Variants in PUS10 observed in about 807,000 individuals in gnomAD.
The protein encoded by PUS10 is tRNA pseudouridine synthase Pus10.
In PUS10, 59 loss-of-function variants were observed where a neutral mutation model predicts 75.0. The ratio of observed to expected loss-of-function variants is 0.79; its 90% CI spans 0.64 to 0.98. The LOEUF (loss-of-function observed/expected upper bound fraction) is 0.98. PUS10 is among the 50% of genes least tolerant of loss of function. The pLI, the probability that PUS10 is intolerant of heterozygous loss-of-function variation, is 0.00. For synonymous variants in PUS10, 219 were observed against 211.6 expected (o/e 1.03, Z -0.30); for missense variants, 650 against 614.4 (o/e 1.06, Z -0.61).
intron 1 of PUS10, among the ~76,000 whole-genome samples, chr2:61,016,732 A>G (rs1237436340): frequency 6.6e-6 from 1 of 152,208 alleles, no homozygotes; most frequent in Non-Finnish European, 1.5e-5. Flanking sequence ...GGACGATTAC[A>G]AAAACCAGTC....
rs749889584 is a variant in PUS10, at chr2:60,945,104, T to C, written c.1456A>G (p.Ile486Val). 6 of 1,611,458 alleles carry C rather than the reference T, an allele frequency of 3.7e-6. No homozygotes were observed. Among genetic ancestry groups the C allele is most frequent in the Admixed American group, 3.3e-5 (2 of 60,002 alleles). Residue 486 changes from isoleucine to valine, a missense_variant, in exon 17 of 18, where the codon ATT becomes GTT. By Grantham distance (29) the Ile-to-Val change is conservative. Transcript: ENST00000316752. ...AAGTCTCCATGTACAAACTCTTTAATGTAGCTGGGGTTTGTTTAAGGAAAA... is the reference window on the plus strand; with the variant it reads ...AAGTCTCCATGTACAAACTCTTTAACGTAGCTGGGGTTTGTTTAAGGAAAA... ...LHLKTQAGTYIKEFVHGDFGR... is the reference protein window; with the variant it reads ...LHLKTQAGTYVKEFVHGDFGR...
At chr2:60,979,218 AC>A (rs1677233100) in intron 4 of PUS10, among the ~76,000 whole-genome samples, 1 of 152,190 alleles carries the variant, frequency 6.6e-6, no homozygotes, top group East Asian at 1.9e-4. Flanking sequence ...CCATTTGGAA[AC>A]TGGGCTCAAT....
At chr2:61,016,719 C>T (rs181523734) in intron 1 of PUS10, among the ~76,000 whole-genome samples, 16 of 152,264 alleles carry the variant, frequency 1.1e-4, no homozygotes, top group Non-Finnish European at 8.8e-5. Context: ...ATTTTCACCT[C>T]TTGGACGATT....
At chr2:61,003,631 A>G (rs1302233114) in intron 4 of PUS10, among the ~76,000 whole-genome samples, 2 of 149,324 alleles carry the variant, frequency 1.3e-5, no homozygotes, top group Non-Finnish European at 3.0e-5. Flanking sequence ...TGCAGCTTCA[A>G]CCCCCCAGGT....
chr2:60,954,221 G>T, intron 12 of PUS10, 63 bp from the exon 13 acceptor site: 1 of 1,523,766 alleles, frequency 6.6e-7, no homozygotes, highest in Non-Finnish European at 9.1e-7. Context: ...TTGGGCTAAT[G>T]CAAGAGGGTT....
intron 11 of PUS10, among the ~76,000 whole-genome samples, chr2:60,956,848 G>A (rs1444451456): frequency 1.3e-5 from 2 of 151,472 alleles, no homozygotes; most frequent in Admixed American, 6.6e-5. Context: ...GGTGGCGTGT[G>A]CCTGTAGTCC....
In PUS10 at chr2:60,953,959, T is replaced by C. The variant is rs1379799967; in HGVS notation, c.1164A>G (p.Gln388=). ...QKINNSSNKI[Q]VRDLQLVTRE... is the part of the protein sequence containing the mutation. ...TTGTGACAAGCTGCAAGTCACGTAC[T>C]TGGATTTTGTTAGATGAGTTATTAA... Residue 388 remains glutamine, a synonymous_variant, in exon 14 of 18, where the codon CAA becomes CAG. Transcript: ENST00000316752. The C allele has an allele frequency of 6.2e-7, 1 of 1,613,960 alleles. No homozygotes were observed. The highest frequency in any genetic ancestry group is 1.3e-5 in the African/African-American group (1 of 74,926).
intron 15 of PUS10, among the ~76,000 whole-genome samples, chr2:60,949,712 T>G (rs1205171999): frequency 1.3e-5 from 2 of 152,246 alleles, no homozygotes; most frequent in Admixed American, 1.3e-4. Flanking sequence ...ATCAACTAGT[T>G]GCATCAGTCT....
chr2:60,997,924 A>C (rs543138242), intron 4 of PUS10, among the ~76,000 whole-genome samples: 14 of 152,342 alleles, frequency 9.2e-5, no homozygotes, highest in African/African-American at 3.1e-4. Context: ...GAACACACAC[A>C]GATTTAGGAA....
chr2:60,945,140 G>C (rs779235051), intron 16 of PUS10, 32 bp from the exon 17 acceptor site: 4 of 1,365,016 alleles, frequency 2.9e-6, no homozygotes, highest in Admixed American at 3.4e-5. Flanking sequence ...AATGAAGACA[G>C]CATGCTGTAC....
chr2:60,982,382 C>A (rs1319036367), intron 4 of PUS10, among the ~76,000 whole-genome samples: 1 of 152,118 alleles, frequency 6.6e-6, no homozygotes, highest in Non-Finnish European at 1.5e-5. Flanking sequence ...TGTGTCTCAG[C>A]CTCCCGAGTA....
At chr2:60,959,219 T>C (rs1675861494) in intron 11 of PUS10, among the ~76,000 whole-genome samples, 1 of 152,180 alleles carries the variant, frequency 6.6e-6, no homozygotes, top group South Asian at 2.1e-4. Context: ...GCCAAACACT[T>C]GCCAGTGATT....
chr2:60,976,796 A>G (rs1677055784), intron 4 of PUS10, among the ~76,000 whole-genome samples: 1 of 152,216 alleles, frequency 6.6e-6, no homozygotes, highest in Non-Finnish European at 1.5e-5. Flanking sequence ...TCTGGCAAGG[A>G]AAAAGAAGTA....
intron 4 of PUS10, among the ~76,000 whole-genome samples, chr2:60,978,315 G>C (rs1015253219): frequency 7.9e-5 from 12 of 151,544 alleles, no homozygotes; most frequent in Non-Finnish European, 1.2e-4. Flanking sequence ...CCAGCTACTA[G>C]GGAGACTGAG....
At chr2:60,999,627 T>C (rs1678714687) in intron 4 of PUS10, among the ~76,000 whole-genome samples, 1 of 152,048 alleles carries the variant, frequency 6.6e-6, no homozygotes, top group Non-Finnish European at 1.5e-5. Context: ...CTCAAATAAA[T>C]AAACACTATA....
chr2:60,949,663 A>C (rs1675215797), intron 15 of PUS10, among the ~76,000 whole-genome samples: 1 of 152,154 alleles, frequency 6.6e-6, no homozygotes, highest in Admixed American at 6.5e-5. Context: ...AGTTTTTATA[A>C]TTTTTATGCC....
chr2:60,962,166 T>C lies in PUS10; in HGVS notation c.789-618A>G, dbSNP rs1357751104. 2.0e-5 allele frequency among the ~76,000 whole-genome samples: 3 copies of C among 152,368 alleles called. No homozygotes were observed. In the South Asian group the frequency reaches 6.2e-4, roughly 32 times the overall value. ...TACAGGACTAAGGATGTAATAGGCA[T>C]AGCACTGGGCTAGAATTTCAGGACA... On this transcript the variant is annotated intron_variant, in intron 9 of 17. Coordinates refer to ENST00000316752, the MANE Select transcript of PUS10 (RefSeq NM_144709.4).
At chr2:60,996,693 C>A (rs778150423) in intron 4 of PUS10, among the ~76,000 whole-genome samples, 3 of 152,052 alleles carry the variant, frequency 2.0e-5, no homozygotes, top group African/African-American at 7.3e-5. Context: ...CATACCCCTA[C>A]GAGACTTGGA....
In PUS10 at chr2:60,968,292, T is replaced by C. The variant is rs566076224; in HGVS notation, c.504-679A>G. 7.9e-5 allele frequency among the ~76,000 whole-genome samples: 12 copies of C among 152,222 alleles called. 1 individual carries two copies. In the South Asian group the frequency reaches 2.3e-3, roughly 29 times the overall value. On this transcript the variant is annotated intron_variant, in intron 5 of 17. Coordinates refer to ENST00000316752, the MANE Select transcript of PUS10 (RefSeq NM_144709.4). ...AATTGTGATAGAAAGGAACTTGAGATAAAAGGGATGAAAAACATGGTGTGG... is the reference window on the plus strand; with the variant it reads ...AATTGTGATAGAAAGGAACTTGAGACAAAAGGGATGAAAAACATGGTGTGG...
Sources: allele counts gnomAD v4.1 joint callset (sites outside exome capture counted in the v4.1 genomes callset), GRCh38; gene constraint gnomAD v4.1.1; transcripts MANE v1.5; gene names NCBI Gene and HGNC (gene_info 2026-07-23, HGNC 2026-07-21).